Variants in EZR observed in about 807,000 individuals in gnomAD.
EZR encodes cytovillin 2.
EZR carries 40 observed loss-of-function variants against 74.8 expected under a neutral mutation model. That is an observed-to-expected ratio of 0.53 (90% CI 0.42 to 0.70). The LOEUF (loss-of-function observed/expected upper bound fraction) is 0.70. Ranked by LOEUF, EZR falls within the 30% of genes least tolerant of loss-of-function variation. The pLI is 0.00. For missense variants in EZR, 678 were observed against 755.8 expected, an observed-to-expected ratio of 0.90 and a Z score of 1.21; for synonymous variants, 341 against 283.3, an observed-to-expected ratio of 1.20 and a Z score of -2.05.
At chr6:158,771,218 C>T in intron 9 of EZR, 26 bp downstream of exon 9, 2 of 1,587,858 alleles carry the variant, frequency 1.3e-6, no homozygotes, top group Non-Finnish European at 1.7e-6. Context: ...ACACAGGCCC[C>T]CCCCACTCTG....
Position 158,791,706 on chromosome 6 carries a change from A to ATTT in EZR, c.13-2338_13-2336dup, listed in dbSNP as rs57581855. Among the ~76,000 whole-genome samples the ATTT allele has an allele frequency of 3.8e-4, 37 of 96,230 alleles. 1 individual carries two copies. The highest frequency in any genetic ancestry group is 1.3e-3 in the African/African-American group (31 of 24,414). The allele number at this position is 96,230 out of a possible 152,430, so 63.1% of individuals were successfully genotyped here. A position where few individuals can be genotyped will look rare whatever the true frequency, so the allele number is the denominator to read the frequency against. On this transcript the variant is annotated intron_variant, in intron 2 of 13. Coordinates refer to ENST00000367075, the MANE Select transcript of EZR (RefSeq NM_001111077.2). Reference sequence around the variant, plus strand: ...CCATGCACACGAGATTTCAGACTCCATTTTTTTTTTTTTTTTTTTTGAGAC... The same window carrying ATTT: ...CCATGCACACGAGATTTCAGACTCCATTTTTTTTTTTTTTTTTTTTTTTGAGAC...
intron 2 of EZR, among the ~76,000 whole-genome samples, chr6:158,791,522 A>G (rs143034650): frequency 2.1e-3 from 320 of 152,140 alleles, no homozygotes; most frequent in African/African-American, 7.4e-3. Context: ...ATGACATAAC[A>G]CACTAAAACT....
At position 158,766,482 on chromosome 6, in the gene EZR, T is replaced by C. The variant is rs558493857; in HGVS notation, c.*432A>G. 27 of 160,450 alleles carry C rather than the reference T, an allele frequency of 1.7e-4. No individual in the cohort carries two copies. Among genetic ancestry groups the C allele is most frequent in the Non-Finnish European group, 3.0e-4 (22 of 73,350 alleles). The allele number at this position is 160,450 out of a possible 1,614,324, so 9.9% of individuals were successfully genotyped here. ...CTCTAAGCATGTAAATATACAAAGA[T>C]GGATCCTTCATAGAAATTAAAAAAT... On this transcript the variant is annotated 3_prime_UTR_variant, in exon 14 of 14. Transcript: ENST00000367075.
chr6:158,779,169 C>T (rs191504746), intron 7 of EZR, among the ~76,000 whole-genome samples: 2 of 152,230 alleles, frequency 1.3e-5, no homozygotes, highest in African/African-American at 4.8e-5. Context: ...CCTGGAAGGG[C>T]AAAACAGCAC....
Position 158,770,833 on chromosome 6 carries a change from T to G in EZR, c.1021A>C (p.Met341Leu). 2 of 1,614,238 alleles carry G rather than the reference T, an allele frequency of 1.2e-6. No individual in the cohort carries two copies. Among genetic ancestry groups the G allele is most frequent in the African/African-American group, 2.7e-5 (2 of 75,072 alleles). Residue 341 changes from methionine (M) to leucine (L), a missense_variant, in exon 10 of 14, where the codon ATG (methionine) becomes CTG (leucine). This residue lies in a region of EZR where 342 missense variants were observed against 341.2 expected (regional missense o/e 1.00). Transcript: ENST00000367075. ...AGCATCAACTCCTCCTTCTCGCGCA[T>G]CATCTGCTCTTTCTCTCTCTCCACG... ...ETVEREKEQM[M>L]REKEELMLRL...
At chr6:158,781,101 C>T (rs1324541054) in intron 7 of EZR, among the ~76,000 whole-genome samples, 1 of 152,128 alleles carries the variant, frequency 6.6e-6, no homozygotes, top group Non-Finnish European at 1.5e-5. Context: ...ATGTTTCAGG[C>T]ATATCTAATT....
chr6:158,818,552 G>A lies in EZR; in HGVS notation c.-73-386C>T, dbSNP rs1181280050. On this transcript the variant is annotated intron_variant, in intron 1 of 13. Transcript: ENST00000367075. ...AACACTCAGTGGGGAGGATCGGGGG[G>A]AGGGGGCGCGGGCCCCGGGGAACAC... 2.0e-5 allele frequency among the ~76,000 whole-genome samples: 3 copies of A among 150,918 alleles called. No homozygotes were observed. The East Asian group carries it at 5.9e-4, about 30-fold the overall frequency.
At chr6:158,777,223 A>G (rs1791304298) in intron 7 of EZR, among the ~76,000 whole-genome samples, 1 of 152,242 alleles carries the variant, frequency 6.6e-6, no homozygotes. Context: ...GCTTGCCAAG[A>G]GAAACGGACA....
intron 3 of EZR, among the ~76,000 whole-genome samples, chr6:158,787,725 T>C (rs1791621467): frequency 6.6e-6 from 1 of 152,032 alleles, no homozygotes; most frequent in South Asian, 2.1e-4. Context: ...AAAGAAATCC[T>C]AGGAAAGGCA....
chr6:158,790,559 A>G (rs1791713232), intron 2 of EZR, among the ~76,000 whole-genome samples: 1 of 152,228 alleles, frequency 6.6e-6, no homozygotes, highest in Non-Finnish European at 1.5e-5. Flanking sequence ...CTGTAGTCCC[A>G]GCTACTTGGG....
chr6:158,789,600 A>C, intron 2 of EZR: 1 of 668,480 alleles, frequency 1.5e-6, no homozygotes, highest in Admixed American at 1.8e-5. Flanking sequence ...AATAAAGCAC[A>C]CTGACACTTA....
In EZR at chr6:158,790,627, T is replaced by C. The variant is rs528019284; in HGVS notation, c.13-1256A>G. ...AGGCGGAGGTTGCAGTGAGCCAAGATTGTGCCACTGCATTCCAGCCTCGGC... is the reference window on the plus strand; with the variant it reads ...AGGCGGAGGTTGCAGTGAGCCAAGACTGTGCCACTGCATTCCAGCCTCGGC... On this transcript the variant is annotated intron_variant, in intron 2 of 13. Coordinates refer to ENST00000367075, the MANE Select transcript of EZR (RefSeq NM_001111077.2). Among the ~76,000 whole-genome samples, 11 of 152,296 alleles carry C rather than the reference T, an allele frequency of 7.2e-5. No individual in the cohort carries two copies. In the East Asian group the frequency reaches 1.4e-3, roughly 19 times the overall value.
chr6:158,785,697 T>C, intron 4 of EZR, 114 bp from the exon 5 acceptor site: 7 of 1,313,074 alleles, frequency 5.3e-6, no homozygotes, highest in Non-Finnish European at 6.3e-6. Flanking sequence ...TTTCAGGAGA[T>C]ATTTATTCTT....
At chr6:158,791,969 A>C (rs1562499555) in intron 2 of EZR, among the ~76,000 whole-genome samples, 1 of 151,912 alleles carries the variant, frequency 6.6e-6, no homozygotes, top group Non-Finnish European at 1.5e-5. Flanking sequence ...CGGCCTCCCA[A>C]AGTGCTGGGA....
At chr6:158,808,917 C>G (rs771649846) in intron 2 of EZR, among the ~76,000 whole-genome samples, 1 of 152,154 alleles carries the variant, frequency 6.6e-6, no homozygotes, top group African/African-American at 2.4e-5. Flanking sequence ...GGCTTGAGGC[C>G]AGGTGTTTGA....
At chr6:158,787,509 T>A (rs1251484448) in intron 3 of EZR, among the ~76,000 whole-genome samples, 1 of 152,132 alleles carries the variant, frequency 6.6e-6, no homozygotes, top group Non-Finnish European at 1.5e-5. Flanking sequence ...TGCATGAAAC[T>A]CAGCAGGGCG....
At chr6:158,773,233 C>T (rs925377335) in intron 8 of EZR, among the ~76,000 whole-genome samples, 3 of 152,116 alleles carry the variant, frequency 2.0e-5, no homozygotes, top group African/African-American at 7.2e-5. Flanking sequence ...CAATGGTTAA[C>T]ATAACAATGT....
chr6:158,766,772 G>T lies in EZR; in HGVS notation c.*142C>A. ...GGGCGCCTCCCTGGTTCCCAGCCCA[G>T]AATGTTTCTGTTGGGTAACTGCTTT... On this transcript the variant is annotated 3_prime_UTR_variant, in exon 14 of 14. Transcript: ENST00000367075. 1.2e-6 allele frequency: 1 copy of T among 868,436 alleles called. No homozygotes were observed. The highest frequency in any genetic ancestry group is 2.3e-5 in the Admixed American group (1 of 43,214). The allele number at this position is 868,436 out of a possible 1,614,324, so 53.8% of individuals were successfully genotyped here. A position where few individuals can be genotyped will look rare whatever the true frequency, so the allele number is the denominator to read the frequency against.
chr6:158,803,620 T>C (rs367587775), intron 2 of EZR, among the ~76,000 whole-genome samples: 4,914 of 24,038 alleles, frequency 0.2, 483 homozygotes, highest in African/African-American at 0.31. Context: ...TATATATATA[T>C]ATATACATAT....
Sources: allele counts gnomAD v4.1 joint callset (sites outside exome capture counted in the v4.1 genomes callset), GRCh38; gene constraint gnomAD v4.1.1; regional missense constraint gnomAD v4.1.1; transcripts MANE v1.5; gene names NCBI Gene and HGNC (gene_info 2026-07-23, HGNC 2026-07-21).